The following BAG4 variants were observed in gnomAD, a reference collection of about 807,000 sequenced individuals.
BAG4 encodes the protein BAG family molecular chaperone regulator 4.
Under a neutral mutation model 52.1 loss-of-function variants are expected in BAG4, and 28 were observed. The observed-to-expected ratio is 0.54, with a 90% confidence interval of 0.40 to 0.74. The LOEUF (loss-of-function observed/expected upper bound fraction) is 0.74, where lower values mean the gene tolerates loss of function less well. Among genes scored for constraint, BAG4 ranks in the 30% least tolerant of loss-of-function variants. BAG4 has a pLI of 0.00. For synonymous variants in BAG4, 208 were observed against 217.0 expected (o/e 0.96, Z 0.37); for missense variants, 525 against 572.0 (o/e 0.92, Z 0.84).
At chr8:38,209,551 A>T in intron 4 of BAG4, 1 of 455,010 alleles carries the variant, frequency 2.2e-6, no homozygotes, top group Non-Finnish European at 3.9e-6. Flanking sequence ...GATGCATTTT[A>T]CTACTTCAAA....
chr8:38,183,794 A>G (rs1803315847), intron 1 of BAG4, among the ~76,000 whole-genome samples: 1 of 151,872 alleles, frequency 6.6e-6, no homozygotes, highest in Admixed American at 6.6e-5. Flanking sequence ...AAGTGCTGGG[A>G]TTACAGGCGT....
In BAG4 at chr8:38,191,125, T is replaced by G. The variant is rs116866739; in HGVS notation, c.271-1563T>G. ...TCATACTGATATTTACAATTCAAAT[T>G]AAGGATTATAAGGTTTTAAGTTTCA... On this transcript the variant is annotated intron_variant, in intron 1 of 4. Transcript: ENST00000287322. Among the ~76,000 whole-genome samples, 313 of 152,272 alleles carry G rather than the reference T, an allele frequency of 2.1e-3. 3 individuals carry two copies. Among genetic ancestry groups the G allele is most frequent in the Admixed American group, 3.1e-3 (47 of 15,286 alleles).
chr8:38,180,104 G>A (rs1585649230), intron 1 of BAG4, among the ~76,000 whole-genome samples: 2 of 152,134 alleles, frequency 1.3e-5, no homozygotes, highest in East Asian at 3.9e-4. Flanking sequence ...AGATAAAGGT[G>A]GAAATGTGTA....
At chr8:38,201,279 C>T (rs1469475180) in intron 2 of BAG4, among the ~76,000 whole-genome samples, 1 of 152,156 alleles carries the variant, frequency 6.6e-6, no homozygotes, top group African/African-American at 2.4e-5. Flanking sequence ...TCTGGCGAAA[C>T]ATCACATGGG....
intron 1 of BAG4, among the ~76,000 whole-genome samples, chr8:38,184,950 G>A (rs1010957761): frequency 6.6e-5 from 10 of 152,110 alleles, no homozygotes; most frequent in African/African-American, 2.4e-4. Context: ...TTAGCTGGGC[G>A]TTGTGGCGCA....
intron 2 of BAG4, among the ~76,000 whole-genome samples, chr8:38,194,898 A>T (rs1803539204): frequency 8.2e-6 from 1 of 122,188 alleles, no homozygotes; most frequent in South Asian, 2.6e-4. Context: ...TCTGTTGCCC[A>T]GGCTGGAGTG....
In BAG4 at chr8:38,195,431, A is replaced by G. The variant is rs191794651; in HGVS notation, c.378+2636A>G. ...AGCCTCCTGAGTAGCTAGGACTAAA[A>G]GTGTACATCACCATGCCTTGCTAAT... is the stretch of plus-strand genomic sequence containing the variant. On this transcript the variant is annotated intron_variant, in intron 2 of 4. Transcript: ENST00000287322. Among the ~76,000 whole-genome samples the G allele has an allele frequency of 3.1e-4, 47 of 152,290 alleles. 1 individual carries two copies. The East Asian group carries it at 6.0e-3, about 19-fold the overall frequency.
At chr8:38,209,692 T>C (rs1483543735) in intron 4 of BAG4, 1 of 368,248 alleles carries the variant, frequency 2.7e-6, no homozygotes. Flanking sequence ...TTTTAACCTT[T>C]TAGGGGAAAA....
At chr8:38,184,433 C>T (rs1365461398) in intron 1 of BAG4, among the ~76,000 whole-genome samples, 1 of 151,706 alleles carries the variant, frequency 6.6e-6, no homozygotes, top group African/African-American at 2.4e-5. Context: ...TGCCACTGCA[C>T]TCCAGTCTGG....
At chr8:38,209,595 A>G (rs1411383374) in intron 4 of BAG4, 2 of 386,420 alleles carry the variant, frequency 5.2e-6, no homozygotes, top group Non-Finnish European at 9.3e-6. Flanking sequence ...CCAATGTGAA[A>G]TATCTGTAGC....
At chr8:38,196,149 T>A (rs1803556391) in intron 2 of BAG4, among the ~76,000 whole-genome samples, 1 of 152,248 alleles carries the variant, frequency 6.6e-6, no homozygotes, top group South Asian at 2.1e-4. Flanking sequence ...ACAACCTTCA[T>A]GTACAAATTT....
intron 1 of BAG4, among the ~76,000 whole-genome samples, chr8:38,190,594 C>T (rs1297005053): frequency 1.3e-5 from 2 of 148,318 alleles, no homozygotes; most frequent in Admixed American, 1.4e-4. Flanking sequence ...ATCACGCCCA[C>T]CTGACATTTT....
rs1246304964 is a variant in BAG4 at position 38,207,835 on chromosome 8, T to A, written c.633+69T>A. 3 of 1,558,754 alleles carry A rather than the reference T, an allele frequency of 1.9e-6. No homozygotes were observed. The East Asian group carries it at 6.8e-5, about 35-fold the overall frequency. ...GCCTCTTGTAAACAGTGGAAGAGCA[T>A]CTGTTCATACTAGTGCTGATTTAAT... On this transcript the variant is annotated intron_variant, in intron 3 of 4. Transcript: ENST00000287322.
intron 2 of BAG4, among the ~76,000 whole-genome samples, chr8:38,205,024 ATATT>A (rs1352906570): frequency 3.9e-5 from 6 of 151,946 alleles, no homozygotes; most frequent in Admixed American, 6.6e-5. Flanking sequence ...TAACAGTAAA[ATATT>A]TATTTAGTTA....
At chr8:38,209,393 C>A in intron 4 of BAG4, 126 bp downstream of exon 4, 1 of 1,290,640 alleles carries the variant, frequency 7.7e-7, no homozygotes, top group East Asian at 2.4e-5. Flanking sequence ...GACTACTTAT[C>A]TATAGCTTTA....
intron 2 of BAG4, 52 bp from the exon 3 acceptor site, chr8:38,207,460 T>C (rs1585667109): frequency 1.9e-6 from 3 of 1,574,094 alleles, no homozygotes; most frequent in Non-Finnish European, 1.7e-6. Flanking sequence ...GTCAGGGCAT[T>C]TCAGCTCTTC....
Position 38,199,794 on chromosome 8 carries a change from A to T in BAG4, c.378+6999A>T, listed in dbSNP as rs141392635. ...TGCCTCAGCTTCCCAAAGTGCTGGG[A>T]TTACAGACGTGAGCCACTGCGCCCA... is the stretch of plus-strand genomic sequence containing the variant. On this transcript the variant is annotated intron_variant, in intron 2 of 4. Transcript: ENST00000287322. 1.1e-3 allele frequency among the ~76,000 whole-genome samples: 173 copies of T among 152,154 alleles called. 1 individual carries two copies. Among genetic ancestry groups the T allele is most frequent in the African/African-American group, 3.9e-3 (162 of 41,514 alleles).
At chr8:38,207,385 AGCCACTGTGCCTG>A in intron 2 of BAG4, 114 bp from the exon 3 acceptor site, 2 of 1,055,198 alleles carry the variant, frequency 1.9e-6, no homozygotes, top group South Asian at 3.3e-5. Flanking sequence ...TACAGGCATG[AGCCACTGTGCCTG>A]GCCTGCATTA....
intron 2 of BAG4, among the ~76,000 whole-genome samples, chr8:38,197,763 G>A (rs906680520): frequency 6.6e-6 from 1 of 152,252 alleles, no homozygotes; most frequent in African/African-American, 2.4e-5. Flanking sequence ...GCAGTGGCGT[G>A]ATCTCGGCTC....
Sources: gnomAD v4.1 joint callset for allele counts (sites outside exome capture counted in the v4.1 genomes callset) on GRCh38, gnomAD v4.1.1 for gene constraint, MANE v1.5 for transcripts, NCBI Gene and HGNC (gene_info 2026-07-23, HGNC 2026-07-21) for gene names.